SLC38A1: variants seen among roughly 807,000 people sequenced by gnomAD.
The protein encoded by SLC38A1 is solute carrier family 38 member 1.
In SLC38A1, 18 loss-of-function variants were observed where a neutral mutation model predicts 60.3. That is an observed-to-expected ratio of 0.30 (90% confidence interval 0.21 to 0.44). The LOEUF is 0.44. Among genes scored for constraint, SLC38A1 ranks in the 20% least tolerant of loss-of-function variants. The pLI is 1.00. For synonymous variants in SLC38A1, 196 were observed against 212.1 expected, an observed-to-expected ratio of 0.92 and a Z score of 0.66; for missense variants, 448 against 587.2, an observed-to-expected ratio of 0.76 and a Z score of 2.45.
At chr12:46,256,613 G>A (rs34792811) in intron 1 of SLC38A1, among the ~76,000 whole-genome samples, 48,947 of 106,992 alleles carry the variant, frequency 0.46, 8,976 homozygotes, top group African/African-American at 0.57. Context: ...GCGCGCGCGC[G>A]CACACACACA....
At chr12:46,229,298 G>T in intron 4 of SLC38A1, 30 bp from the exon 5 acceptor site, 1 of 1,440,516 alleles carries the variant, frequency 6.9e-7, no homozygotes, top group Non-Finnish European at 9.7e-7. Flanking sequence ...TTGACACTAA[G>T]CAAAATAATC....
chr12:46,217,592 T>G (rs1239646611), intron 5 of SLC38A1, among the ~76,000 whole-genome samples: 1 of 152,218 alleles, frequency 6.6e-6, no homozygotes, highest in African/African-American at 2.4e-5. Context: ...TTTGTTTAAG[T>G]CTTAAGCTCA....
intron 5 of SLC38A1, among the ~76,000 whole-genome samples, chr12:46,226,075 G>T (rs111766057): frequency 2.0e-5 from 3 of 152,206 alleles, no homozygotes; most frequent in South Asian, 4.1e-4. Flanking sequence ...TGATATTAGG[G>T]AACTGTTGTT....
At chr12:46,202,725 C>T (rs1035958698) in intron 12 of SLC38A1, among the ~76,000 whole-genome samples, 2 of 152,148 alleles carry the variant, frequency 1.3e-5, no homozygotes, top group Non-Finnish European at 2.9e-5. Context: ...AAACTTTCCT[C>T]GGTGATACAA....
At chr12:46,235,966 C>T (rs1941245176) in intron 3 of SLC38A1, among the ~76,000 whole-genome samples, 1 of 152,154 alleles carries the variant, frequency 6.6e-6, no homozygotes, top group Non-Finnish European at 1.5e-5. Context: ...CAGCAATCAT[C>T]CAAAACCTAG....
At chr12:46,205,974 T>C in intron 9 of SLC38A1, 106 bp downstream of exon 9, 2 of 625,734 alleles carry the variant, frequency 3.2e-6, no homozygotes, top group Non-Finnish European at 5.7e-6. Context: ...TACTTAATCT[T>C]TGAGTGCATG....
chr12:46,245,510 G>A (rs368781916), intron 1 of SLC38A1, among the ~76,000 whole-genome samples: 12 of 152,234 alleles, frequency 7.9e-5, no homozygotes, highest in African/African-American at 2.9e-4. Context: ...TACACTGTTG[G>A]AGGGAAGGTA....
At chr12:46,202,628 G>T (rs1023384737) in intron 12 of SLC38A1, among the ~76,000 whole-genome samples, 4 of 152,122 alleles carry the variant, frequency 2.6e-5, no homozygotes, top group African/African-American at 9.7e-5. Flanking sequence ...AATCAGAGAC[G>T]ATGTATTTAG....
In SLC38A1 at chr12:46,190,763, G is replaced by A. The variant is rs547528831; in HGVS notation, c.1363-1692C>T. Among the ~76,000 whole-genome samples, 8 of 152,240 alleles carry A rather than the reference G, an allele frequency of 5.3e-5. No homozygotes were observed. In the East Asian group the frequency reaches 1.2e-3, roughly 22 times the overall value. ...TGAGAAGTGTCTGTTCATATCCTTTGCCCACTTTTTGATGGGGTTGCTTTT... is the reference window on the plus strand; with the variant it reads ...TGAGAAGTGTCTGTTCATATCCTTTACCCACTTTTTGATGGGGTTGCTTTT... On this transcript the variant is annotated intron_variant, in intron 16 of 16. Coordinates refer to ENST00000398637, the MANE Select transcript of SLC38A1 (RefSeq NM_030674.4).
intron 5 of SLC38A1, among the ~76,000 whole-genome samples, chr12:46,220,552 A>C (rs1940618421): frequency 6.6e-6 from 1 of 152,210 alleles, no homozygotes; most frequent in South Asian, 2.1e-4. Context: ...GGTATTTCCT[A>C]AGGAGGCAAA....
At chr12:46,208,319 T>C (rs1465310096) in intron 6 of SLC38A1, among the ~76,000 whole-genome samples, 2 of 152,218 alleles carry the variant, frequency 1.3e-5, no homozygotes, top group Non-Finnish European at 2.9e-5. Context: ...TATATTTCTT[T>C]ATAACTGTTC....
At chr12:46,190,296 C>A (rs1304353010) in intron 16 of SLC38A1, among the ~76,000 whole-genome samples, 2 of 152,178 alleles carry the variant, frequency 1.3e-5, no homozygotes, top group East Asian at 1.9e-4. Context: ...GCATACGATT[C>A]CATGGTGTAC....
chr12:46,213,760 G>C (rs1341563646), intron 5 of SLC38A1, among the ~76,000 whole-genome samples: 1 of 152,222 alleles, frequency 6.6e-6, no homozygotes, highest in Non-Finnish European at 1.5e-5. Context: ...CCAGCAGCCA[G>C]AGTAATCTTT....
chr12:46,211,072 G>C (rs1049618553), intron 5 of SLC38A1, among the ~76,000 whole-genome samples: 1 of 152,048 alleles, frequency 6.6e-6, no homozygotes, highest in East Asian at 1.9e-4. Context: ...TTTTTTTCCC[G>C]TCAAGTAAGA....
At chr12:46,230,496 A>G (rs888085236) in intron 3 of SLC38A1, among the ~76,000 whole-genome samples, 2 of 152,194 alleles carry the variant, frequency 1.3e-5, no homozygotes, top group African/African-American at 2.4e-5. Context: ...ACATCATCTT[A>G]TCAAGTTATT....
At chr12:46,205,036 A>G (rs541546263) in intron 9 of SLC38A1, among the ~76,000 whole-genome samples, 35 of 152,300 alleles carry the variant, frequency 2.3e-4, no homozygotes, top group South Asian at 6.2e-4. Flanking sequence ...CAGTTATAAT[A>G]CTTTTCTCCC....
intron 16 of SLC38A1, among the ~76,000 whole-genome samples, chr12:46,196,828 C>G (rs1939400072): frequency 6.6e-6 from 1 of 152,160 alleles, no homozygotes; most frequent in Admixed American, 6.5e-5. Flanking sequence ...CCCTCACTGT[C>G]TCCAAGTGCA....
chr12:46,261,235 C>G (rs1942187021), intron 1 of SLC38A1, among the ~76,000 whole-genome samples: 1 of 152,206 alleles, frequency 6.6e-6, no homozygotes, highest in African/African-American at 2.4e-5. Flanking sequence ...ATGACCAACG[C>G]AGGCATTGCC....
chr12:46,206,234 CATG>C lies in SLC38A1; in HGVS notation c.564-75_564-73del, dbSNP rs938541623. 32 of 734,964 alleles carry C rather than the reference CATG, an allele frequency of 4.4e-5. No homozygotes were observed. The African/African-American group carries it at 5.1e-4, about 12-fold the overall frequency. 45.5% of individuals were successfully genotyped at this position (734,964 alleles called of 1,614,324 possible). Reference sequence around the variant, plus strand: ...TTTTTTCCCCTCCAATGTAAAATTTCATGATATCATGATATATATTTTTATTAA... The same window carrying C: ...TTTTTTCCCCTCCAATGTAAAATTTCATATCATGATATATATTTTTATTAA... On this transcript the variant is annotated intron_variant, in intron 8 of 16. Transcript: ENST00000398637.
Sources: allele counts gnomAD v4.1 joint callset (sites outside exome capture counted in the v4.1 genomes callset), GRCh38; gene constraint gnomAD v4.1.1; transcripts MANE v1.5; gene names NCBI Gene and HGNC (gene_info 2026-07-23, HGNC 2026-07-21).